Variants in CBX3 observed in about 807,000 individuals in gnomAD.
CBX3 encodes the protein chromobox 3, also known as chromobox protein homolog 3.
Under a neutral mutation model 22.6 loss-of-function variants are expected in CBX3, and 5 were observed. The ratio of observed to expected loss-of-function variants is 0.22; its 90% CI spans 0.12 to 0.47. The LOEUF is 0.47. Among genes scored for constraint, CBX3 ranks in the 20% least tolerant of loss-of-function variants. The pLI is 0.99. For missense variants in CBX3, 83 were observed against 208.1 expected, an observed-to-expected ratio of 0.40 and a Z score of 3.70; for synonymous variants, 50 against 66.6, an observed-to-expected ratio of 0.75 and a Z score of 1.21.
chr7:26,206,202 T>C, intron 2 of CBX3, 166 bp from the exon 3 acceptor site: 1 of 559,720 alleles, frequency 1.8e-6, no homozygotes, highest in South Asian at 2.5e-5. Flanking sequence ...AAGCATTCTT[T>C]TATTTTATTG....
intron 2 of CBX3, 24 bp downstream of exon 2, chr7:26,203,046 A>T: frequency 6.8e-7 from 1 of 1,479,226 alleles, no homozygotes; most frequent in Non-Finnish European, 9.1e-7. Context: ...AACCTAAAAT[A>T]TGTAAGGATT....
intron 1 of CBX3, 107 bp from the exon 2 acceptor site, chr7:26,202,864 T>A (rs1411225170): frequency 9.8e-6 from 7 of 711,962 alleles, no homozygotes; most frequent in Non-Finnish European, 1.8e-5. Flanking sequence ...GTATTCACGT[T>A]TGAAATGTGC....
intron 4 of CBX3, among the ~76,000 whole-genome samples, chr7:26,209,204 G>A (rs1784750961): frequency 6.6e-6 from 1 of 152,166 alleles, no homozygotes; most frequent in South Asian, 2.1e-4. Context: ...ACCACACCAA[G>A]CCCACCTTTG....
chr7:26,202,946 C>A lies in CBX3; in HGVS notation c.-28-25C>A, dbSNP rs537328604. 7.4e-6 allele frequency: 11 copies of A among 1,489,186 alleles called. No individual in the cohort carries two copies. In the East Asian group the frequency reaches 1.4e-4, roughly 18 times the overall value. The allele number at this position is 1,489,186 out of a possible 1,614,324, so 92.2% of individuals were successfully genotyped here. ...ACCTTTTTTGTGTCATGCAAACTTACCTTAACTGTCATGCATTTTTCTAGT... is the reference window on the plus strand; with the variant it reads ...ACCTTTTTTGTGTCATGCAAACTTAACTTAACTGTCATGCATTTTTCTAGT... On this transcript the variant is annotated intron_variant, in intron 1 of 5. Coordinates refer to ENST00000396386, the MANE Select transcript of CBX3 (RefSeq NM_016587.4).
chr7:26,213,055 T>TTTC lies in CBX3; in HGVS notation c.*847_*848insTTC, dbSNP rs1784846263. On this transcript the variant is annotated 3_prime_UTR_variant, in exon 6 of 6. Coordinates refer to ENST00000396386, the MANE Select transcript of CBX3 (RefSeq NM_016587.4). ...ACATTGACTAAAAGGTCATGATGAA[T>TTTC]GGAATATGTAAGACTTGGCTCATAG... is the stretch of plus-strand genomic sequence containing the variant. 6.6e-6 allele frequency: 1 copy of TTTC among 152,334 alleles called. No homozygotes were observed. The highest frequency in any genetic ancestry group is 2.4e-5 in the African/African-American group (1 of 41,482). The allele number at this position is 152,334 out of a possible 1,614,324, so 9.4% of individuals were successfully genotyped here. A position where few individuals can be genotyped will look rare whatever the true frequency, so the allele number is the denominator to read the frequency against.
At chr7:26,208,353 A>T in intron 3 of CBX3, 40 bp from the exon 4 acceptor site, 2 of 1,465,632 alleles carry the variant, frequency 1.4e-6, no homozygotes, top group Non-Finnish European at 1.9e-6. Flanking sequence ...AATCATATTT[A>T]ATTCAATCAC....
intron 3 of CBX3, among the ~76,000 whole-genome samples, chr7:26,207,001 G>A (rs1263164024): frequency 6.6e-6 from 1 of 152,124 alleles, no homozygotes; most frequent in Non-Finnish European, 1.5e-5. Flanking sequence ...GATATGGATT[G>A]CTCTCATTAT....
At position 26,211,656 on chromosome 7, in the gene CBX3, A is replaced by C; in HGVS notation, c.331-6A>C. On this transcript the variant is annotated splice_region_variant and splice_polypyrimidine_tract_variant and intron_variant, in intron 4 of 5. Transcript: ENST00000396386. Reference sequence around the variant, plus strand: ...TTTGCTGTATGAAAAAATGTCTTCTAAACAGGCTGACAAACCAAGAGGATT... The same window carrying C: ...TTTGCTGTATGAAAAAATGTCTTCTCAACAGGCTGACAAACCAAGAGGATT... 1.3e-6 allele frequency: 2 copies of C among 1,579,794 alleles called. No individual in the cohort carries two copies. The highest frequency in any genetic ancestry group is 2.2e-5 in the East Asian group (1 of 44,506).
At chr7:26,209,548 A>G (rs979115726) in intron 4 of CBX3, among the ~76,000 whole-genome samples, 43 of 152,228 alleles carry the variant, frequency 2.8e-4, no homozygotes, top group Non-Finnish European at 3.8e-4. Flanking sequence ...GACCACCGAA[A>G]AGTACTTGCA....
chr7:26,203,533 T>C (rs1784601552), intron 2 of CBX3, among the ~76,000 whole-genome samples: 1 of 152,224 alleles, frequency 6.6e-6, no homozygotes, highest in Admixed American at 6.5e-5. Flanking sequence ...TTAAGTTTAA[T>C]TCATTGCAGT....
At chr7:26,203,827 CGTTA>C (rs1784608290) in intron 2 of CBX3, among the ~76,000 whole-genome samples, 1 of 151,984 alleles carries the variant, frequency 6.6e-6, no homozygotes, top group African/African-American at 2.4e-5. Context: ...AAAAAGGGCA[CGTTA>C]GTGATTTTTA....
intron 4 of CBX3, among the ~76,000 whole-genome samples, chr7:26,210,872 G>C: frequency 6.6e-6 from 1 of 151,950 alleles, no homozygotes. Flanking sequence ...ACAAATAGAT[G>C]AAAAAAGGGG....
intron 4 of CBX3, among the ~76,000 whole-genome samples, chr7:26,209,285 C>T (rs954579752): frequency 6.6e-6 from 1 of 152,050 alleles, no homozygotes; most frequent in Non-Finnish European, 1.5e-5. Context: ...TATTTTAATA[C>T]TTAGGACAAT....
chr7:26,204,578 C>CT (rs1476582140), intron 2 of CBX3, among the ~76,000 whole-genome samples: 3 of 152,078 alleles, frequency 2.0e-5, no homozygotes, highest in Admixed American at 1.3e-4. Context: ...TATGTGTTAC[C>CT]TATATGCTTG....
intron 4 of CBX3, 53 bp downstream of exon 4, chr7:26,208,608 T>C: frequency 6.7e-7 from 1 of 1,490,582 alleles, no homozygotes; most frequent in Non-Finnish European, 9.2e-7. Flanking sequence ...GGTTGATGGC[T>C]TGATTTCTTT....
At chr7:26,203,607 A>AT (rs540128293) in intron 2 of CBX3, among the ~76,000 whole-genome samples, 211 of 150,610 alleles carry the variant, frequency 1.4e-3, no homozygotes, top group East Asian at 2.5e-3. Context: ...AAAAGGCTAG[A>AT]TTTTTTTTTT....
rs1286016521 is a variant in CBX3 at position 26,212,431 on chromosome 7, C to T, written c.*223C>T. On this transcript the variant is annotated 3_prime_UTR_variant, in exon 6 of 6. Transcript: ENST00000396386. ...AGCTTTCTGTAGTTGCTTCCTTTAT[C>T]AGAAAAGAACATTTGATACCATGGT... The T allele has an allele frequency of 3.6e-5, 7 of 195,540 alleles. No individual in the cohort carries two copies. Among genetic ancestry groups the T allele is most frequent in the Non-Finnish European group, 6.3e-5 (6 of 94,498 alleles). 12.1% of individuals were successfully genotyped at this position (195,540 alleles called of 1,614,324 possible). A position where few individuals can be genotyped will look rare whatever the true frequency, so the allele number is the denominator to read the frequency against.
chr7:26,212,498 TG>T lies in CBX3; in HGVS notation c.*295del. On this transcript the variant is annotated 3_prime_UTR_variant, in exon 6 of 6. Coordinates refer to ENST00000396386, the MANE Select transcript of CBX3 (RefSeq NM_016587.4). ...ATTAAAGAACAGCTTTTCTAAATGT[TG>T]GGGGAAATGTCCATAGTCATTACTC... is the stretch of plus-strand genomic sequence containing the variant. 1 of 158,916 alleles carries T rather than the reference TG, an allele frequency of 6.3e-6. No individual in the cohort carries two copies. 9.8% of individuals were successfully genotyped at this position (158,916 alleles called of 1,614,324 possible). A position where few individuals can be genotyped will look rare whatever the true frequency, so the allele number is the denominator to read the frequency against.
In CBX3 at chr7:26,203,940, C is replaced by T. The variant is rs572247340; in HGVS notation, c.24+918C>T. On this transcript the variant is annotated intron_variant, in intron 2 of 5. Transcript: ENST00000396386. ...CTGGAAAACAGAAGTTGTTTTTGCACGCAATTGATAGCCTTTGGGGTCTGT... is the reference window on the plus strand; with the variant it reads ...CTGGAAAACAGAAGTTGTTTTTGCATGCAATTGATAGCCTTTGGGGTCTGT... 3.0e-4 allele frequency among the ~76,000 whole-genome samples: 45 copies of T among 152,246 alleles called. 1 individual carries two copies. The highest frequency in any genetic ancestry group is 2.1e-3 in the South Asian group (10 of 4,828).
Sources: allele counts gnomAD v4.1 joint callset (sites outside exome capture counted in the v4.1 genomes callset), GRCh38; gene constraint gnomAD v4.1.1; transcripts MANE v1.5; gene names NCBI Gene and HGNC (gene_info 2026-07-23, HGNC 2026-07-21).